Variants in TERB1 observed in about 807,000 individuals in gnomAD.
TERB1 encodes the protein telomere repeat binding bouquet formation protein 1.
TERB1 carries 63 observed loss-of-function variants against 92.3 expected under a neutral mutation model. The observed-to-expected ratio is 0.68, with a 90% confidence interval of 0.56 to 0.84. TERB1 has a LOEUF of 0.84. Ranked by LOEUF, TERB1 falls within the 40% of genes least tolerant of loss-of-function variation. The probability of loss-of-function intolerance (pLI) is 0.00; values close to 1 mark genes in which losing one functional copy is unlikely to be tolerated. For missense variants in TERB1, 709 were observed against 843.7 expected (o/e 0.84, Z 1.98); for synonymous variants, 252 against 283.9 (o/e 0.89, Z 1.13).
chr16:66,790,285 G>T (rs1374322022), intron 5 of TERB1, among the ~76,000 whole-genome samples: 1 of 138,586 alleles, frequency 7.2e-6, no homozygotes, highest in African/African-American at 2.7e-5. Context: ...GGGCAAAGGA[G>T]AAAGGGGAGA....
rs1388658268 is a variant in TERB1, at chr16:66,786,202, A to C, written c.461+23T>G. On this transcript the variant is annotated intron_variant, in intron 7 of 18. Transcript: ENST00000433154. Reference sequence around the variant, plus strand: ...GGTCCTAAGTAATGAATAATTAACAAAAAGAAATTTGTATTTGTTTACCTG... The same window carrying C: ...GGTCCTAAGTAATGAATAATTAACACAAAGAAATTTGTATTTGTTTACCTG... The C allele has an allele frequency of 3.9e-6, 6 of 1,541,806 alleles. No homozygotes were observed. The Admixed American group carries it at 1.2e-4, about 31-fold the overall frequency.
At position 66,769,964 on chromosome 16, in the gene TERB1, T is replaced by G; in HGVS notation, c.1618A>C (p.Ser540Arg). The G allele has an allele frequency of 6.5e-7, 1 of 1,545,056 alleles. No individual in the cohort carries two copies. The highest frequency in any genetic ancestry group is 2.0e-5 in the Admixed American group (1 of 50,742). The change falls in exon 14 of 19, where the codon AGT (serine) becomes CGT (arginine). Residue 540 changes from serine (S) to arginine (R), a missense_variant and splice_region_variant. Coordinates refer to ENST00000433154, the MANE Select transcript of TERB1 (RefSeq NM_001136505.2). ...TFEKNFVSQS[S>R]DHVFKHPVHI... ...TTACACACAATTATTAAACTATACC[T>G]TGATTGAGAAACAAAATTCTTTTCA...
chr16:66,784,072 C>T lies in TERB1; in HGVS notation c.700+1714G>A, dbSNP rs12924891. ...AGCTGTTTCTACTATTCTTTTATTA[C>T]TCTTTTAATATCTGTTAAGATCTAT... On this transcript the variant is annotated intron_variant, in intron 9 of 18. Transcript: ENST00000433154. 8.8e-3 allele frequency among the ~76,000 whole-genome samples: 1,336 copies of T among 152,254 alleles called. 13 individuals are homozygous for T. Among genetic ancestry groups the T allele is most frequent in the Middle Eastern group, 0.045 (13 of 292 alleles).
intron 13 of TERB1, among the ~76,000 whole-genome samples, chr16:66,772,044 TA>T (rs1267716187): frequency 3.0e-5 from 4 of 134,890 alleles, no homozygotes; most frequent in Non-Finnish European, 6.7e-5. Context: ...TCATCATTTC[TA>T]CTTTTTAAAA....
At chr16:66,797,149 A>G (rs1336640641) in intron 2 of TERB1, among the ~76,000 whole-genome samples, 1 of 152,050 alleles carries the variant, frequency 6.6e-6, no homozygotes, top group Admixed American at 6.6e-5. Context: ...TCTAAGCACT[A>G]TATGCATTCA....
chr16:66,757,791 G>A (rs757036617), intron 18 of TERB1, among the ~76,000 whole-genome samples: 35 of 152,080 alleles, frequency 2.3e-4, no homozygotes, highest in South Asian at 6.2e-4. Context: ...TATTAACTCC[G>A]TACGAATAAA....
At position 66,786,276 on chromosome 16, in the gene TERB1, T is replaced by C. The variant is rs2018727988; in HGVS notation, c.410A>G (p.Gln137Arg). ...LVLVSNNRTG[Q>R]TLVRETGCIT... is the part of the protein sequence containing the mutation. ...ACAACCTGTTTCTCTCACAAGTGTT[T>C]GTCCGGTCCCTTAAAAAAATAGCCA... Residue 137 changes from glutamine to arginine, a missense_variant, in exon 7 of 19, where the codon CAA becomes CGA. Physicochemically the swap from Gln to Arg is conservative, Grantham distance 43. Transcript: ENST00000433154. The C allele has an allele frequency of 1.3e-6, 2 of 1,546,080 alleles. No individual in the cohort carries two copies. Among genetic ancestry groups the C allele is most frequent in the Non-Finnish European group, 1.7e-6 (2 of 1,144,520 alleles).
At position 66,769,981 on chromosome 16, in the gene TERB1, T is replaced by C. The variant is rs769776492; in HGVS notation, c.1601A>G (p.Asn534Ser). Reference sequence around the variant, plus strand: ...ACTATACCTTGATTGAGAAACAAAATTCTTTTCAAAAGTAGTTTCTTCATG... The same window carrying C: ...ACTATACCTTGATTGAGAAACAAAACTCTTTTCAAAAGTAGTTTCTTCATG... Reference protein sequence around the residue: ...NLHEETTFEKNFVSQSSDHVF... With the variant: ...NLHEETTFEKSFVSQSSDHVF... Residue 534 changes from asparagine (N) to serine (S), a missense_variant, in exon 14 of 19, where the codon AAT becomes AGT. Physicochemically the swap from Asn to Ser is conservative, Grantham distance 46. Transcript: ENST00000433154. 1.2e-4 allele frequency: 192 copies of C among 1,549,700 alleles called. No individual in the cohort carries two copies. The highest frequency in any genetic ancestry group is 1.6e-4 in the Non-Finnish European group (185 of 1,146,280).
At position 66,770,230 on chromosome 16, in the gene TERB1, T is replaced by C. The variant is rs1336310153; in HGVS notation, c.1352A>G (p.His451Arg). 1.9e-6 allele frequency: 3 copies of C among 1,552,022 alleles called. No individual in the cohort carries two copies. In the Admixed American group the frequency reaches 5.9e-5, roughly 30 times the overall value. The change falls in exon 14 of 19, where the codon CAT becomes CGT. Residue 451 changes from histidine to arginine, a missense_variant. Physicochemically the swap from His to Arg is conservative, Grantham distance 29. Coordinates refer to ENST00000433154, the MANE Select transcript of TERB1 (RefSeq NM_001136505.2). ...ISIQNTWKHL[H>R]ADRIGRGSKA... ...GCTACCTCGACCAATCCGATCTGCA[T>C]GGAGATGTTTCCATGTATTCTGAAT...
chr16:66,788,512 A>G (rs2018765867), intron 5 of TERB1, among the ~76,000 whole-genome samples: 3 of 152,096 alleles, frequency 2.0e-5, no homozygotes, highest in Admixed American at 2.0e-4. Flanking sequence ...TACTTAATCT[A>G]GGCTCCAAAA....
intron 3 of TERB1, among the ~76,000 whole-genome samples, chr16:66,794,354 C>T (rs140958892): frequency 6.6e-6 from 1 of 152,170 alleles, no homozygotes; most frequent in African/African-American, 2.4e-5. Flanking sequence ...CCCACCTCGG[C>T]CTCCCAAAGT....
At position 66,776,888 on chromosome 16, in the gene TERB1, T is replaced by A. The variant is rs545696185; in HGVS notation, c.985+315A>T. 1.8e-4 allele frequency among the ~76,000 whole-genome samples: 28 copies of A among 151,460 alleles called. 1 individual carries two copies. The highest frequency in any genetic ancestry group is 6.8e-3 in the Middle Eastern group (2 of 294). ...AAGGGAAGGAGCTTTCTCCCTGTGC[T>A]GCAGTGAGAAAACCACTGCAATAAT... On this transcript the variant is annotated intron_variant, in intron 11 of 18. Coordinates refer to ENST00000433154, the MANE Select transcript of TERB1 (RefSeq NM_001136505.2).
chr16:66,754,807 A>G lies in TERB1; in HGVS notation c.*169T>C, dbSNP rs1162448779. ...TGTACACTGATGATATATTTGCTTTATAAATCATTGTAATTTGATGAGTTT... is the reference window on the plus strand; with the variant it reads ...TGTACACTGATGATATATTTGCTTTGTAAATCATTGTAATTTGATGAGTTT... On this transcript the variant is annotated 3_prime_UTR_variant, in exon 19 of 19. Coordinates refer to ENST00000433154, the MANE Select transcript of TERB1 (RefSeq NM_001136505.2). 1.6e-6 allele frequency: 1 copy of G among 622,948 alleles called. No homozygotes were observed. Among genetic ancestry groups the G allele is most frequent in the Admixed American group, 3.3e-5 (1 of 30,176 alleles). The allele number at this position is 622,948 out of a possible 1,614,324, so 38.6% of individuals were successfully genotyped here.
chr16:66,788,188 C>G lies in TERB1; in HGVS notation c.381G>C (p.Leu127Phe). ...NLKRMSVYVI[L>F]VLVSNNRTGQ... The stretch of plus-strand genomic sequence containing the variant: ...ACTTACTATTATTTGAAACCAGAAC[C>G]AAAATAACATAAACAGACATTCTTT... Residue 127 changes from leucine (L) to phenylalanine (F), a missense_variant, in exon 6 of 19, where the codon TTG becomes TTC. Physicochemically the swap from Leu to Phe is conservative, Grantham distance 22 (BLOSUM62 0). Coordinates refer to ENST00000433154, the MANE Select transcript of TERB1 (RefSeq NM_001136505.2). 1 of 1,481,312 alleles carries G rather than the reference C, an allele frequency of 6.8e-7. No individual in the cohort carries two copies. Among genetic ancestry groups the G allele is most frequent in the Middle Eastern group, 1.7e-4 (1 of 5,718 alleles). 91.8% of individuals were successfully genotyped at this position (1,481,312 alleles called of 1,614,324 possible). A position where few individuals can be genotyped will look rare whatever the true frequency, so the allele number is the denominator to read the frequency against.
chr16:66,759,411 G>A, intron 16 of TERB1, 121 bp from the exon 17 acceptor site: 1 of 742,298 alleles, frequency 1.3e-6, no homozygotes. Context: ...AACACCTCAA[G>A]AAGCTCAAAA....
At chr16:66,772,030 T>G (rs1388503076) in intron 13 of TERB1, among the ~76,000 whole-genome samples, 4 of 149,946 alleles carry the variant, frequency 2.7e-5, no homozygotes, top group Non-Finnish European at 5.9e-5. Flanking sequence ...TCCTGTCTTT[T>G]CAGTCATCAT....
At chr16:66,787,157 G>C (rs1285918095) in intron 6 of TERB1, among the ~76,000 whole-genome samples, 1 of 152,110 alleles carries the variant, frequency 6.6e-6, no homozygotes, top group African/African-American at 2.4e-5. Context: ...GGAGTACAGT[G>C]GCTTGATCAC....
chr16:66,791,939 A>T (rs930748871), intron 3 of TERB1, among the ~76,000 whole-genome samples: 1 of 152,188 alleles, frequency 6.6e-6, no homozygotes, highest in Non-Finnish European at 1.5e-5. Context: ...AACTTATTCT[A>T]TGAGGCTGGT....
At chr16:66,785,574 G>C (rs1444363170) in intron 9 of TERB1, among the ~76,000 whole-genome samples, 1 of 151,638 alleles carries the variant, frequency 6.6e-6, no homozygotes, top group Non-Finnish European at 1.5e-5. Flanking sequence ...GAGTATCTGG[G>C]GAGATTAAAA....
Sources: allele counts gnomAD v4.1 joint callset (sites outside exome capture counted in the v4.1 genomes callset), GRCh38; gene constraint gnomAD v4.1.1; transcripts MANE v1.5; gene names NCBI Gene and HGNC (gene_info 2026-07-23, HGNC 2026-07-21).